PCDHA3: variants seen among roughly 807,000 people sequenced by gnomAD.
PCDHA3 encodes protocadherin alpha 3, also known as protocadherin alpha-3.
Under a neutral mutation model 62.2 loss-of-function variants are expected in PCDHA3, and 41 were observed. The ratio of observed to expected loss-of-function variants is 0.66; its 90% CI spans 0.51 to 0.86. PCDHA3 has a LOEUF of 0.86. PCDHA3 is among the 40% of genes least tolerant of loss of function. The pLI, the probability that PCDHA3 is intolerant of heterozygous loss-of-function variation, is 0.00. For missense variants in PCDHA3, 1,304 were observed against 1,241.2 expected (o/e 1.05, Z -0.76); for synonymous variants, 640 against 555.4 (o/e 1.15, Z -2.14).
chr5:140,916,060 C>G (rs1554197265), intron 1 of PCDHA3, among the ~76,000 whole-genome samples: 1 of 152,174 alleles, frequency 6.6e-6, no homozygotes, highest in Non-Finnish European at 1.5e-5. Flanking sequence ...GGTGCCTCTC[C>G]CTGTGGCCAG....
chr5:141,001,058 A>G (rs1554257985), intron 3 of PCDHA3, among the ~76,000 whole-genome samples: 2 of 152,146 alleles, frequency 1.3e-5, no homozygotes, highest in African/African-American at 4.8e-5. Flanking sequence ...TAAATCATTT[A>G]AAATTAAATA....
intron 1 of PCDHA3, chr5:140,808,804 T>C (rs1326452473): frequency 3.1e-6 from 5 of 1,612,572 alleles, no homozygotes; most frequent in Admixed American, 3.3e-5. Flanking sequence ...CCGCTCGCGA[T>C]GCCGGCGTGC....
chr5:141,002,612 CA>C, intron 3 of PCDHA3, among the ~76,000 whole-genome samples: 1 of 152,178 alleles, frequency 6.6e-6, no homozygotes, highest in Non-Finnish European at 1.5e-5. Flanking sequence ...AAAACAGACA[CA>C]TAACACAGAC....
chr5:140,981,861 A>G (rs1554243465), intron 2 of PCDHA3, among the ~76,000 whole-genome samples: 1 of 152,126 alleles, frequency 6.6e-6, no homozygotes, highest in Non-Finnish European at 1.5e-5. Context: ...ACTCCCAGCA[A>G]TGTTTTATGC....
At chr5:140,840,168 T>C (rs1776589979) in intron 1 of PCDHA3, among the ~76,000 whole-genome samples, 2 of 151,992 alleles carry the variant, frequency 1.3e-5, no homozygotes, top group African/African-American at 2.4e-5. Flanking sequence ...ATGGGATGTA[T>C]ACAAATTTTA....
At chr5:140,809,474 G>A (rs150783892) in intron 1 of PCDHA3, 12 of 1,614,110 alleles carry the variant, frequency 7.4e-6, no homozygotes, top group Middle Eastern at 1.6e-4. Flanking sequence ...CTCTGGTGAG[G>A]GCCCACCCAA....
At chr5:140,819,257 A>G (rs1260397193) in intron 1 of PCDHA3, among the ~76,000 whole-genome samples, 3 of 152,168 alleles carry the variant, frequency 2.0e-5, no homozygotes, top group Non-Finnish European at 4.4e-5. Context: ...TGGTATATCT[A>G]TATAATTTCT....
intron 1 of PCDHA3, chr5:140,808,924 G>C: frequency 6.2e-7 from 1 of 1,613,692 alleles, no homozygotes; most frequent in Non-Finnish European, 8.5e-7. Flanking sequence ...CAGTGAGCGA[G>C]CTGGTGCCAT....
intron 1 of PCDHA3, chr5:140,811,879 C>T (rs184579564): frequency 2.0e-5 from 3 of 151,982 alleles, no homozygotes; most frequent in African/African-American, 2.4e-5. Flanking sequence ...TGTTTAGGTT[C>T]TTTGTAGATT....
At chr5:140,941,210 T>TCTTC (rs1480454721) in intron 1 of PCDHA3, among the ~76,000 whole-genome samples, 3 of 100,630 alleles carry the variant, frequency 3.0e-5, no homozygotes, top group Non-Finnish European at 5.7e-5. Context: ...TTCCTTTCTT[T>TCTTC]CTTCCTTTCT....
Position 140,858,425 on chromosome 5 carries a change from C to A in PCDHA3, c.2394+54834C>A, listed in dbSNP as rs373682195. Reference sequence around the variant, plus strand: ...GGAAGATCAGTCTATTGGAGGGGACCACTCTAGGAAGGTGGGTTATTACGT... The same window carrying A: ...GGAAGATCAGTCTATTGGAGGGGACAACTCTAGGAAGGTGGGTTATTACGT... On this transcript the variant is annotated intron_variant, in intron 1 of 3. Coordinates refer to ENST00000522353, the MANE Select transcript of PCDHA3 (RefSeq NM_018906.3). The A allele has an allele frequency of 1.2e-5, 18 of 1,552,696 alleles. 1 individual carries two copies. In the African/African-American group the frequency reaches 2.3e-4, roughly 20 times the overall value.
chr5:140,974,577 T>C (rs2096632640), intron 1 of PCDHA3, among the ~76,000 whole-genome samples: 1 of 152,200 alleles, frequency 6.6e-6, no homozygotes, highest in South Asian at 2.1e-4. Flanking sequence ...AATGGCATGA[T>C]CTTGGCTCAC....
chr5:140,880,895 TAGAA>T (rs1421038707), intron 1 of PCDHA3, among the ~76,000 whole-genome samples: 2 of 152,090 alleles, frequency 1.3e-5, no homozygotes, highest in African/African-American at 4.8e-5. Context: ...TAGGGCCAGA[TAGAA>T]AGAATTAGAA....
At chr5:140,829,654 G>T in intron 1 of PCDHA3, 1 of 1,612,542 alleles carries the variant, frequency 6.2e-7, no homozygotes, top group Non-Finnish European at 8.5e-7. Context: ...ACGCGCTGCA[G>T]CCGCTGGACC....
chr5:140,946,936 A>T (rs1344601116), intron 1 of PCDHA3, among the ~76,000 whole-genome samples: 1 of 151,482 alleles, frequency 6.6e-6, no homozygotes, highest in Non-Finnish European at 1.5e-5. Context: ...AGTAGAGTGT[A>T]GTTAAGAATA....
intron 3 of PCDHA3, among the ~76,000 whole-genome samples, chr5:141,008,262 G>T (rs1178355094): frequency 6.6e-6 from 1 of 152,198 alleles, no homozygotes; most frequent in Non-Finnish European, 1.5e-5. Flanking sequence ...AGGAGACTGA[G>T]AAGTAATAGG....
intron 1 of PCDHA3, chr5:140,883,930 C>A: frequency 2.5e-6 from 4 of 1,613,066 alleles, no homozygotes; most frequent in Non-Finnish European, 3.4e-6. Flanking sequence ...TGCAGGTGTT[C>A]GTGCTGGACG....
chr5:141,009,290 A>G (rs1372878338), intron 3 of PCDHA3, among the ~76,000 whole-genome samples: 1 of 152,118 alleles, frequency 6.6e-6, no homozygotes, highest in Non-Finnish European at 1.5e-5. Context: ...TCCCATTTCT[A>G]TAAAATTTTT....
At chr5:140,882,854 C>T in intron 1 of PCDHA3, 1 of 1,614,196 alleles carries the variant, frequency 6.2e-7, no homozygotes, top group African/African-American at 1.3e-5. Context: ...ATCACTTGTA[C>T]TGAGGAAAAC....
Sources: gnomAD v4.1 joint callset for allele counts (sites outside exome capture counted in the v4.1 genomes callset) on GRCh38, gnomAD v4.1.1 for gene constraint, MANE v1.5 for transcripts, NCBI Gene and HGNC (gene_info 2026-07-23, HGNC 2026-07-21) for gene names.